The following LRMDA variants were observed in gnomAD, a reference collection of about 807,000 sequenced individuals.
LRMDA encodes the protein leucine rich melanocyte differentiation associated.
In LRMDA, 18 loss-of-function variants were observed where a neutral mutation model predicts 29.8. The observed-to-expected ratio is 0.60, with a 90% CI of 0.42 to 0.90. The LOEUF (loss-of-function observed/expected upper bound fraction) is 0.90. LRMDA is among the 40% of genes least tolerant of loss of function. The pLI, the probability that LRMDA is intolerant of heterozygous loss-of-function variation, is 0.00. For missense variants in LRMDA, 273 were observed against 273.9 expected (o/e 1.00, Z 0.02); for synonymous variants, 125 against 109.4 (o/e 1.14, Z -0.89).
Position 76,558,850 on chromosome 10 carries a change from AC to A in LRMDA, c.*1564del, listed in dbSNP as rs1843590765. ...AGGAGTCCCTGTTTGAGATTACACA[AC>A]CTTTGTTAATCAGTTCTTTAGACAA... On this transcript the variant is annotated 3_prime_UTR_variant, in exon 7 of 7. Coordinates refer to ENST00000611255, the MANE Select transcript of LRMDA (RefSeq NM_001305581.2). The A allele has an allele frequency of 1.3e-5, 2 of 152,174 alleles. No individual in the cohort carries two copies. Among genetic ancestry groups the A allele is most frequent in the South Asian group, 2.1e-4 (1 of 4,828 alleles). The allele number at this position is 152,174 out of a possible 1,614,324, so 9.4% of individuals were successfully genotyped here. A position where few individuals can be genotyped will look rare whatever the true frequency, so the allele number is the denominator to read the frequency against.
intron 2 of LRMDA, among the ~76,000 whole-genome samples, chr10:75,857,999 A>T (rs959612039): frequency 6.6e-6 from 1 of 152,186 alleles, no homozygotes; most frequent in Admixed American, 6.5e-5. Flanking sequence ...GAGAAAAAGG[A>T]TTTATTTTTC....
intron 5 of LRMDA, among the ~76,000 whole-genome samples, chr10:76,266,921 G>A (rs1840012733): frequency 6.6e-6 from 1 of 152,158 alleles, no homozygotes; most frequent in Non-Finnish European, 1.5e-5. Flanking sequence ...TCTGGGTGAT[G>A]ATCCAATTAA....
chr10:75,704,208 A>T lies in LRMDA; in HGVS notation c.131+265714A>T, dbSNP rs774434712. ...CCTGAAATATGCATTATTGTCTCAC[A>T]TCATTTTCTTAGTGGGATTCTGGGA... is the stretch of plus-strand genomic sequence containing the variant. On this transcript the variant is annotated intron_variant, in intron 2 of 6. Coordinates refer to ENST00000611255, the MANE Select transcript of LRMDA (RefSeq NM_001305581.2). Among the ~76,000 whole-genome samples, 5 of 152,336 alleles carry T rather than the reference A, an allele frequency of 3.3e-5. No individual in the cohort carries two copies. The South Asian group carries it at 8.3e-4, about 25-fold the overall frequency.
At position 76,496,158 on chromosome 10, in the gene LRMDA, G is replaced by A. The variant is rs1301076137; in HGVS notation, c.602-61051G>A. Among the ~76,000 whole-genome samples the A allele has an allele frequency of 5.3e-5, 4 of 74,792 alleles. 1 individual carries two copies. Among genetic ancestry groups the A allele is most frequent in the African/African-American group, 1.3e-4 (4 of 30,766 alleles). The allele number at this position is 74,792 out of a possible 152,430, so 49.1% of individuals were successfully genotyped here. On this transcript the variant is annotated intron_variant, in intron 6 of 6. Coordinates refer to ENST00000611255, the MANE Select transcript of LRMDA (RefSeq NM_001305581.2). The stretch of plus-strand genomic sequence containing the variant: ...TACTAGATTTTCCACTCTAGTTGGT[G>A]GGAACATGAACTATCCCAGCTCTGT...
intron 6 of LRMDA, among the ~76,000 whole-genome samples, chr10:76,520,576 A>G (rs1843108618): frequency 6.6e-6 from 1 of 152,100 alleles, no homozygotes; most frequent in Admixed American, 6.5e-5. Context: ...GTAGGATTCT[A>G]AAGTAAGAAA....
intron 5 of LRMDA, among the ~76,000 whole-genome samples, chr10:76,101,632 A>G (rs1207487146): frequency 6.6e-6 from 1 of 152,108 alleles, no homozygotes; most frequent in Non-Finnish European, 1.5e-5. Flanking sequence ...GCTACTTGGG[A>G]GGCTGAAGCA....
Position 76,055,112 on chromosome 10 carries a change from A to G in LRMDA, c.399-3554A>G, listed in dbSNP as rs554647004. Among the ~76,000 whole-genome samples the G allele has an allele frequency of 7.3e-5, 11 of 151,356 alleles. No individual in the cohort carries two copies. The South Asian group carries it at 2.3e-3, about 32-fold the overall frequency. On this transcript the variant is annotated intron_variant, in intron 4 of 6. Coordinates refer to ENST00000611255, the MANE Select transcript of LRMDA (RefSeq NM_001305581.2). ...AAAAAAAAGAAAAAGAAAAGAAAGA[A>G]ACAAAGAAAGGAAAGATATTTGGGT...
At chr10:75,787,342 T>C (rs561135198) in intron 2 of LRMDA, among the ~76,000 whole-genome samples, 42 of 152,322 alleles carry the variant, frequency 2.8e-4, no homozygotes, top group African/African-American at 9.6e-4. Flanking sequence ...CGGCATAGCC[T>C]GTGCTTTCCC....
rs1470681663 is a variant in LRMDA at position 75,802,968 on chromosome 10, A to AT, written c.132-233039dup. 2.3e-3 allele frequency among the ~76,000 whole-genome samples: 272 copies of AT among 120,218 alleles called. 1 individual carries two copies. The highest frequency in any genetic ancestry group is 0.016 in the South Asian group (65 of 4,172). The allele number at this position is 120,218 out of a possible 152,430, so 78.9% of individuals were successfully genotyped here. The stretch of plus-strand genomic sequence containing the variant: ...TGTGTGTGTGTGTATATATATATAT[A>AT]TATATTTTTTTTTTTTTCTTAGCTC... On this transcript the variant is annotated intron_variant, in intron 2 of 6. Transcript: ENST00000611255.
At chr10:75,562,208 G>T (rs953568426) in intron 2 of LRMDA, among the ~76,000 whole-genome samples, 1 of 152,050 alleles carries the variant, frequency 6.6e-6, no homozygotes, top group African/African-American at 2.4e-5. Flanking sequence ...TATGAATCTG[G>T]GTGCTCCTGT....
intron 6 of LRMDA, among the ~76,000 whole-genome samples, chr10:76,413,074 C>T (rs145188669): frequency 5.9e-5 from 9 of 152,294 alleles, no homozygotes; most frequent in African/African-American, 1.9e-4. Flanking sequence ...TTTTATGCCA[C>T]TCTCTCGATG....
At chr10:75,756,859 G>A (rs984404366) in intron 2 of LRMDA, among the ~76,000 whole-genome samples, 9 of 152,190 alleles carry the variant, frequency 5.9e-5, no homozygotes, top group Admixed American at 2.0e-4. Context: ...CTTCATCACT[G>A]TTGAATTGCC....
intron 6 of LRMDA, among the ~76,000 whole-genome samples, chr10:76,350,706 G>A (rs1360579160): frequency 6.6e-6 from 1 of 152,170 alleles, no homozygotes; most frequent in African/African-American, 2.4e-5. Flanking sequence ...TAATTCCATT[G>A]CTGTCTTAAT....
At chr10:76,428,500 C>T (rs537437895) in intron 6 of LRMDA, among the ~76,000 whole-genome samples, 5 of 152,000 alleles carry the variant, frequency 3.3e-5, no homozygotes, top group African/African-American at 9.7e-5. Flanking sequence ...ATAGATCCAT[C>T]GATCCAGTTT....
At chr10:75,926,372 A>G (rs998482017) in intron 2 of LRMDA, among the ~76,000 whole-genome samples, 66 of 152,262 alleles carry the variant, frequency 4.3e-4, no homozygotes, top group African/African-American at 1.5e-3. Context: ...TCCAAGTTAG[A>G]TTCAAAACAC....
chr10:76,355,321 C>A (rs553012026), intron 6 of LRMDA, among the ~76,000 whole-genome samples: 2 of 152,224 alleles, frequency 1.3e-5, no homozygotes, highest in Admixed American at 6.5e-5. Context: ...GACAAAGACA[C>A]AAATATCCTA....
chr10:75,921,115 A>G (rs1846018831), intron 2 of LRMDA, among the ~76,000 whole-genome samples: 2 of 152,330 alleles, frequency 1.3e-5, no homozygotes, highest in East Asian at 3.9e-4. Context: ...AGGATATGAG[A>G]TTTGGCAATA....
At chr10:76,276,392 C>T (rs1376114525) in intron 5 of LRMDA, among the ~76,000 whole-genome samples, 1 of 152,062 alleles carries the variant, frequency 6.6e-6, no homozygotes, top group Admixed American at 6.6e-5. Context: ...GATCCTCCCA[C>T]CTTGGCCTCT....
chr10:76,039,645 G>C (rs1848309452), intron 3 of LRMDA, among the ~76,000 whole-genome samples: 1 of 152,132 alleles, frequency 6.6e-6, no homozygotes. Context: ...AGAACAACAG[G>C]CTCTGAAGGC....
Sources: gnomAD v4.1 joint callset for allele counts (sites outside exome capture counted in the v4.1 genomes callset) on GRCh38, gnomAD v4.1.1 for gene constraint, MANE v1.5 for transcripts, NCBI Gene and HGNC (gene_info 2026-07-23, HGNC 2026-07-21) for gene names.